The following CHN2 variants were observed in gnomAD, a reference collection of about 807,000 sequenced individuals.
CHN2 encodes chimerin 2.
Under a neutral mutation model 56.3 loss-of-function variants are expected in CHN2, and 35 were observed. That is an observed-to-expected ratio of 0.62 (90% CI 0.47 to 0.82). The LOEUF is 0.82. CHN2 is among the 40% of genes least tolerant of loss of function. The probability of loss-of-function intolerance (pLI) is 0.00; values close to 1 mark genes in which losing one functional copy is unlikely to be tolerated. For synonymous variants in CHN2, 210 were observed against 212.8 expected (o/e 0.99, Z 0.12); for missense variants, 491 against 580.5 (o/e 0.85, Z 1.58).
intron 1 of CHN2, among the ~76,000 whole-genome samples, chr7:29,238,015 C>CTTT (rs11405147): frequency 0.01 from 1,079 of 105,916 alleles, 47 homozygotes; most frequent in African/African-American, 0.032. Context: ...TATGTATTCT[C>CTTT]TTTTTTTTTT....
chr7:29,421,051 C>A (rs1804294410), intron 6 of CHN2, among the ~76,000 whole-genome samples: 1 of 152,136 alleles, frequency 6.6e-6, no homozygotes, highest in Non-Finnish European at 1.5e-5. Context: ...GCTCAGCCTT[C>A]CAAAGTGCTA....
intron 1 of CHN2, among the ~76,000 whole-genome samples, chr7:29,206,567 A>AC (rs927069862): frequency 3.3e-5 from 5 of 152,142 alleles, no homozygotes; most frequent in African/African-American, 1.2e-4. Context: ...AGTGTGAGCC[A>AC]CCGCGCCTGG....
At chr7:29,291,977 G>A (rs1792668912) in intron 1 of CHN2, among the ~76,000 whole-genome samples, 1 of 152,136 alleles carries the variant, frequency 6.6e-6, no homozygotes, top group African/African-American at 2.4e-5. Context: ...GAAGGACTTG[G>A]CTCCTCCTAT....
intron 2 of CHN2, among the ~76,000 whole-genome samples, chr7:29,154,645 C>T (rs1794083971): frequency 6.6e-6 from 1 of 152,026 alleles, no homozygotes; most frequent in Non-Finnish European, 1.5e-5. Context: ...ACCAGCCTGG[C>T]CAACATGGTG....
intron 1 of CHN2, among the ~76,000 whole-genome samples, chr7:29,332,171 C>T (rs779731275): frequency 1.2e-4 from 19 of 152,150 alleles, no homozygotes; most frequent in Non-Finnish European, 2.5e-4. Flanking sequence ...CGCAGTGGCG[C>T]GAGACTGTCC....
intron 1 of CHN2, among the ~76,000 whole-genome samples, chr7:29,274,586 G>A (rs997981865): frequency 6.6e-6 from 1 of 152,206 alleles, no homozygotes; most frequent in African/African-American, 2.4e-5. Context: ...ATGGAAAGCA[G>A]TGATTTACAA....
intron 8 of CHN2, among the ~76,000 whole-genome samples, chr7:29,497,329 T>C (rs767218221): frequency 5.9e-5 from 9 of 152,182 alleles, no homozygotes; most frequent in Non-Finnish European, 1.3e-4. Flanking sequence ...ATTGTACCTA[T>C]CAAAAATATC....
chr7:29,390,659 A>C (rs1801292110), intron 3 of CHN2, among the ~76,000 whole-genome samples: 1 of 152,228 alleles, frequency 6.6e-6, no homozygotes, highest in Admixed American at 6.5e-5. Context: ...AGAGAATCTC[A>C]TACAATTGGA....
intron 1 of CHN2, among the ~76,000 whole-genome samples, chr7:29,258,024 T>G (rs746371549): frequency 6.6e-6 from 1 of 152,076 alleles, no homozygotes; most frequent in African/African-American, 2.4e-5. Context: ...GGTCAAGTGA[T>G]CCTCCTGCCT....
At chr7:29,436,365 G>T (rs575915485) in intron 6 of CHN2, among the ~76,000 whole-genome samples, 95 of 152,186 alleles carry the variant, frequency 6.2e-4, no homozygotes, top group Middle Eastern at 3.4e-3. Context: ...GCTTATAGTT[G>T]AATATTTTGT....
intron 2 of CHN2, among the ~76,000 whole-genome samples, chr7:29,178,379 C>T (rs147512303): frequency 2.1e-3 from 318 of 152,266 alleles, no homozygotes; most frequent in African/African-American, 7.3e-3. Context: ...ACCTGGTCTT[C>T]CTCTGCGTGC....
chr7:29,362,688 C>T (rs1396266666), intron 2 of CHN2, among the ~76,000 whole-genome samples: 5 of 152,214 alleles, frequency 3.3e-5, no homozygotes, highest in African/African-American at 1.2e-4. Context: ...CTGTAACTCT[C>T]TCTCTTCTCT....
chr7:29,327,489 C>T (rs886607840), intron 1 of CHN2, among the ~76,000 whole-genome samples: 5 of 152,062 alleles, frequency 3.3e-5, no homozygotes, highest in East Asian at 3.9e-4. Flanking sequence ...ATATCTGGAG[C>T]GATATTTAAT....
chr7:29,442,359 C>T (rs1170168806), intron 6 of CHN2, among the ~76,000 whole-genome samples: 1 of 152,122 alleles, frequency 6.6e-6, no homozygotes, highest in Non-Finnish European at 1.5e-5. Context: ...AGGGTAGACA[C>T]GTGCCAACCA....
intron 6 of CHN2, among the ~76,000 whole-genome samples, chr7:29,408,261 A>T (rs1802849444): frequency 6.6e-6 from 1 of 152,112 alleles, no homozygotes; most frequent in African/African-American, 2.4e-5. Flanking sequence ...CTGCCTATGG[A>T]ATCAAAGTCT....
At chr7:29,511,041 T>G (rs1335718116) in intron 12 of CHN2, among the ~76,000 whole-genome samples, 1 of 152,198 alleles carries the variant, frequency 6.6e-6, no homozygotes, top group Admixed American at 6.5e-5. Context: ...TGCCTCTGTG[T>G]TTTTGAAAGA....
intron 6 of CHN2, among the ~76,000 whole-genome samples, chr7:29,442,316 G>A (rs1340039356): frequency 6.6e-6 from 1 of 152,080 alleles, no homozygotes. Context: ...AGGTTACAGT[G>A]GCCTAAAAGC....
intron 6 of CHN2, chr7:29,479,570 A>ACC: frequency 1.4e-6 from 1 of 702,538 alleles, no homozygotes; most frequent in Middle Eastern, 7.4e-4. Context: ...CATAGGCTTT[A>ACC]CCCCTATAAG....
At chr7:29,259,467 C>T (rs184439380) in intron 1 of CHN2, among the ~76,000 whole-genome samples, 1 of 151,974 alleles carries the variant, frequency 6.6e-6, no homozygotes, top group East Asian at 1.9e-4. Flanking sequence ...TTGGGTGCTC[C>T]GTTTTGTGTA....
Sources: allele counts gnomAD v4.1 joint callset (sites outside exome capture counted in the v4.1 genomes callset), GRCh38; gene constraint gnomAD v4.1.1; transcripts MANE v1.5; gene names NCBI Gene and HGNC (gene_info 2026-07-23, HGNC 2026-07-21).